Variants in TMED3 observed in about 807,000 individuals in gnomAD.
The protein encoded by TMED3 is transmembrane p24 trafficking protein 3, also known as transmembrane emp24 domain-containing protein 3.
A neutral mutation model predicts 15.0 loss-of-function variants in TMED3; 9 were observed. That is an observed-to-expected ratio of 0.60 (90% confidence interval 0.36 to 1.04). TMED3 has a LOEUF of 1.04. Among genes scored for constraint, TMED3 ranks in the 50% least tolerant of loss-of-function variants. The pLI, the probability that TMED3 is intolerant of heterozygous loss-of-function variation, is 0.01. For missense variants in TMED3, 267 were observed against 278.9 expected, an observed-to-expected ratio of 0.96 and a Z score of 0.30; for synonymous variants, 117 against 121.4, an observed-to-expected ratio of 0.96 and a Z score of 0.24.
Position 79,366,650 on chromosome 15 carries a change from C to T in TMED3, c.418-44750C>T, listed in dbSNP as rs149886647. Among the ~76,000 whole-genome samples the T allele has an allele frequency of 6.6e-5, 10 of 152,304 alleles. No homozygotes were observed. In the East Asian group the frequency reaches 1.7e-3, roughly 26 times the overall value. On this transcript the variant is annotated intron_variant, in intron 2 of 2. Transcript: ENST00000424155. ...GCCCAGCAGGCTCCTAAGAGGGGTC[C>T]CTGCTCCATCTCACCATTATCCACA...
At chr15:79,326,611 C>T (rs981107952), downstream of TMED3, among the ~76,000 whole-genome samples, 4 of 152,126 alleles carry the variant, frequency 2.6e-5, no homozygotes, top group African/African-American at 9.7e-5. Flanking sequence ...GGGAGGAGGG[C>T]GGGAAGAAGG....
At chr15:79,380,698 A>G (rs1191561274) in intron 2 of TMED3, among the ~76,000 whole-genome samples, 2 of 151,640 alleles carry the variant, frequency 1.3e-5, no homozygotes, top group Admixed American at 1.3e-4. Flanking sequence ...TGGGGGATGG[A>G]AGAGGTGAAA....
intron 2 of TMED3, among the ~76,000 whole-genome samples, chr15:79,356,367 G>T (rs2058918809): frequency 6.6e-6 from 1 of 152,134 alleles, no homozygotes; most frequent in Admixed American, 6.6e-5. Flanking sequence ...AACAATGTTG[G>T]CACATAAAAG....
intron 2 of TMED3, among the ~76,000 whole-genome samples, chr15:79,404,729 A>G (rs1047789467): frequency 1.3e-5 from 2 of 152,038 alleles, no homozygotes; most frequent in Non-Finnish European, 1.5e-5. Context: ...ACTTCATCCC[A>G]CTTCTCCTTC....
At chr15:79,393,747 G>A (rs941025557) in intron 2 of TMED3, among the ~76,000 whole-genome samples, 2 of 152,146 alleles carry the variant, frequency 1.3e-5, no homozygotes, top group Non-Finnish European at 2.9e-5. Flanking sequence ...CCAGGCTGGA[G>A]TGCAGTGGTG....
intron 2 of TMED3, among the ~76,000 whole-genome samples, chr15:79,348,724 CTT>C (rs1471391236): frequency 6.6e-6 from 1 of 152,176 alleles, no homozygotes; most frequent in Non-Finnish European, 1.5e-5. Context: ...TTTGAGGAAC[CTT>C]TAAAATGGAA....
chr15:79,396,012 A>G (rs971798533), intron 2 of TMED3, among the ~76,000 whole-genome samples: 5 of 152,356 alleles, frequency 3.3e-5, no homozygotes, highest in African/African-American at 1.2e-4. Context: ...GCTTCAATTC[A>G]GGCAACTCCT....
chr15:79,358,622 G>A lies in TMED3; in HGVS notation c.417+44617G>A, dbSNP rs145804360. ...CAGGCCCATCCCGAAGGAGATCACGGGTCCACCCTAGGACCTCTGACCACT... is the reference window on the plus strand; with the variant it reads ...CAGGCCCATCCCGAAGGAGATCACGAGTCCACCCTAGGACCTCTGACCACT... On this transcript the variant is annotated intron_variant, in intron 2 of 2. Coordinates refer to the TMED3 transcript ENST00000424155. 4.8e-3 allele frequency among the ~76,000 whole-genome samples: 733 copies of A among 152,250 alleles called. 9 individuals carry two copies. Among genetic ancestry groups the A allele is most frequent in the African/African-American group, 0.017 (706 of 41,526 alleles).
intron 2 of TMED3, among the ~76,000 whole-genome samples, chr15:79,320,416 TTATTTTATA>T (rs1247552910): frequency 3.3e-5 from 5 of 152,196 alleles, no homozygotes; most frequent in African/African-American, 1.2e-4. Flanking sequence ...ATCACTATTC[TTATTTTATA>T]TATTTTATTA....
chr15:79,330,601 T>C (rs547455508), intron 2 of TMED3, among the ~76,000 whole-genome samples: 1 of 152,302 alleles, frequency 6.6e-6, no homozygotes, highest in Non-Finnish European at 1.5e-5. Context: ...AAAAGGACCA[T>C]ACTACCCAAA....
At chr15:79,321,005 C>T (rs2058764122) in intron 2 of TMED3, among the ~76,000 whole-genome samples, 1 of 152,216 alleles carries the variant, frequency 6.6e-6, no homozygotes, top group African/African-American at 2.4e-5. Flanking sequence ...CCCTCAACGC[C>T]TGGAGGCCTT....
intron 2 of TMED3, among the ~76,000 whole-genome samples, chr15:79,348,304 A>G (rs12439105): frequency 0.093 from 14,187 of 152,202 alleles, 706 homozygotes; most frequent in Admixed American, 0.12. Context: ...ATGTGAAAAC[A>G]TATATACTTT....
intron 2 of TMED3, among the ~76,000 whole-genome samples, chr15:79,408,007 C>A (rs1230333798): frequency 6.6e-6 from 1 of 152,158 alleles, no homozygotes; most frequent in African/African-American, 2.4e-5. Context: ...TAGTTCCTAC[C>A]CTTCCTGCTT....
intron 2 of TMED3, among the ~76,000 whole-genome samples, chr15:79,408,064 C>CTGTAATGTG (rs1893925326): frequency 6.6e-6 from 1 of 152,178 alleles, no homozygotes; most frequent in Admixed American, 6.5e-5. Context: ...CATAAAACCA[C>CTGTAATGTG]CTGGCAAACT....
chr15:79,343,303 A>G (rs1403812462), intron 2 of TMED3, among the ~76,000 whole-genome samples: 4 of 152,048 alleles, frequency 2.6e-5, no homozygotes, highest in African/African-American at 9.7e-5. Flanking sequence ...CCTCCCTTCT[A>G]CCACCCTTGG....
intron 2 of TMED3, among the ~76,000 whole-genome samples, chr15:79,397,784 T>A (rs146166305): frequency 9.8e-5 from 15 of 152,300 alleles, no homozygotes; most frequent in African/African-American, 3.6e-4. Context: ...TCTATCCAGA[T>A]GACATTTTGT....
intron 2 of TMED3, among the ~76,000 whole-genome samples, chr15:79,348,422 G>A (rs972650679): frequency 1.1e-4 from 16 of 152,134 alleles, no homozygotes; most frequent in Non-Finnish European, 1.6e-4. Flanking sequence ...GTAAAAAACC[G>A]AAAGTGAATT....
intron 2 of TMED3, among the ~76,000 whole-genome samples, chr15:79,363,819 C>G (rs1342989307): frequency 3.9e-5 from 6 of 152,188 alleles, no homozygotes; most frequent in Non-Finnish European, 2.9e-5. Context: ...AAGCTCAACA[C>G]TGACACCGGG....
At chr15:79,413,212 C>G (rs977956633) in exon 3 of TMED3, 1 of 152,204 alleles carries the variant, frequency 6.6e-6, no homozygotes, top group African/African-American at 2.4e-5. Flanking sequence ...GGGTTCTGAA[C>G]CCGCACATGT....
Sources: allele counts gnomAD v4.1 joint callset (sites outside exome capture counted in the v4.1 genomes callset), GRCh38; gene constraint gnomAD v4.1.1; transcripts MANE v1.5; gene names NCBI Gene and HGNC (gene_info 2026-07-23, HGNC 2026-07-21).